RUNDC3B: variants seen among roughly 807,000 people sequenced by gnomAD.
RUNDC3B encodes the protein RUN domain-containing protein 3B.
In RUNDC3B, 33 loss-of-function variants were observed where a neutral mutation model predicts 58.4. The observed-to-expected ratio is 0.56, with a 90% CI of 0.43 to 0.75. RUNDC3B has a LOEUF of 0.75. RUNDC3B is among the 30% of genes least tolerant of loss of function. The probability of loss-of-function intolerance (pLI) is 0.00; values close to 1 mark genes in which losing one functional copy is unlikely to be tolerated. For missense variants in RUNDC3B, 501 were observed against 535.7 expected (o/e 0.94, Z 0.64); for synonymous variants, 193 against 195.2 (o/e 0.99, Z 0.10).
rs117820688 is a variant in RUNDC3B at position 87,649,642 on chromosome 7, T to C, written c.123-1180T>C. On this transcript the variant is annotated intron_variant, in intron 1 of 10. Coordinates refer to ENST00000394654, the MANE Select transcript of RUNDC3B (RefSeq NM_001134405.2). ...TGATAAGGAAAAATATAGTACACTTTACAGATTTGCAGGTTTTGCTATTTA... is the reference window on the plus strand; with the variant it reads ...TGATAAGGAAAAATATAGTACACTTCACAGATTTGCAGGTTTTGCTATTTA... 3.8e-3 allele frequency among the ~76,000 whole-genome samples: 583 copies of C among 152,306 alleles called. 2 individuals carry two copies. The highest frequency in any genetic ancestry group is 0.012 in the Admixed American group (182 of 15,292).
Position 87,710,633 on chromosome 7 carries a change from C to A in RUNDC3B, c.436C>A (p.Leu146Met). Reference sequence around the variant, plus strand: ...TTTATCTGAATACATCTCTACAGCTCTGAGAGACTTCAAAACAACCAGGTT... The same window carrying A: ...TTTATCTGAATACATCTCTACAGCTATGAGAGACTTCAAAACAACCAGGTT... ...KHLSEYISTA[L>M]RDFKTTRRFY... The change falls in exon 4 of 11, where the codon CTG becomes ATG. Residue 146 changes from leucine (L) to methionine (M), a missense_variant. By Grantham distance (15) the Leu-to-Met change is conservative. Transcript: ENST00000394654. 6.3e-7 allele frequency: 1 copy of A among 1,593,336 alleles called. No homozygotes were observed. The highest frequency in any genetic ancestry group is 1.8e-4 in the Middle Eastern group (1 of 5,568).
rs545231608 is a variant in RUNDC3B at position 87,644,105 on chromosome 7, C to T, written c.123-6717C>T. Among the ~76,000 whole-genome samples, 9 of 151,872 alleles carry T rather than the reference C, an allele frequency of 5.9e-5. No individual in the cohort carries two copies. In the South Asian group the frequency reaches 8.3e-4, roughly 14 times the overall value. ...AACTCCTGACCTCAGGTGATCCACC[C>T]GCCTTGGCCTCCCAAAGTGTTGGGA... On this transcript the variant is annotated intron_variant, in intron 1 of 10. Transcript: ENST00000394654.
chr7:87,812,736 G>C (rs919832241), intron 9 of RUNDC3B, among the ~76,000 whole-genome samples: 1 of 152,190 alleles, frequency 6.6e-6, no homozygotes, highest in African/African-American at 2.4e-5. Context: ...TAAACTACTT[G>C]TATGTAAAAA....
intron 2 of RUNDC3B, among the ~76,000 whole-genome samples, chr7:87,684,723 G>A (rs888301368): frequency 6.2e-5 from 8 of 129,668 alleles, no homozygotes; most frequent in African/African-American, 2.3e-4. Flanking sequence ...ACTCCAGCCT[G>A]GTGACAGAGT....
chr7:87,744,085 A>G (rs190342501), intron 6 of RUNDC3B, among the ~76,000 whole-genome samples: 1 of 152,054 alleles, frequency 6.6e-6, no homozygotes, highest in East Asian at 1.9e-4. Context: ...TCTCCACTTT[A>G]TATTTCTGTT....
chr7:87,798,695 T>C (rs1461728412), intron 8 of RUNDC3B, among the ~76,000 whole-genome samples: 2 of 152,206 alleles, frequency 1.3e-5, no homozygotes, highest in African/African-American at 4.8e-5. Flanking sequence ...TGATTTTTTT[T>C]AAGTTCTAAA....
chr7:87,702,754 A>G (rs972750505), intron 3 of RUNDC3B, among the ~76,000 whole-genome samples: 1 of 152,172 alleles, frequency 6.6e-6, no homozygotes, highest in African/African-American at 2.4e-5. Context: ...AAAATGTGAA[A>G]TCTCAAATGA....
chr7:87,700,334 A>AT (rs1828916149), intron 2 of RUNDC3B, 87 bp from the exon 3 acceptor site: 2 of 1,191,684 alleles, frequency 1.7e-6, no homozygotes, highest in Non-Finnish European at 2.3e-6. Context: ...TATTACCTTT[A>AT]TTTTTCAGAA....
intron 6 of RUNDC3B, among the ~76,000 whole-genome samples, chr7:87,761,021 A>G (rs756723828): frequency 2.6e-5 from 4 of 152,036 alleles, no homozygotes; most frequent in South Asian, 2.1e-4. Flanking sequence ...AAAAGATACC[A>G]TCAAAAAATG....
At chr7:87,726,684 G>C (rs1027823318) in intron 4 of RUNDC3B, among the ~76,000 whole-genome samples, 13 of 152,154 alleles carry the variant, frequency 8.5e-5, no homozygotes, top group Non-Finnish European at 1.8e-4. Flanking sequence ...ACCTTGGGCT[G>C]TATGGCCATT....
At chr7:87,750,657 T>G (rs1832920885) in intron 6 of RUNDC3B, among the ~76,000 whole-genome samples, 1 of 151,212 alleles carries the variant, frequency 6.6e-6, no homozygotes, top group African/African-American at 2.4e-5. Flanking sequence ...TCATGTGTTT[T>G]TTGGCTGCAT....
intron 6 of RUNDC3B, among the ~76,000 whole-genome samples, chr7:87,747,963 C>A (rs781463506): frequency 6.6e-6 from 1 of 152,202 alleles, no homozygotes; most frequent in Non-Finnish European, 1.5e-5. Flanking sequence ...AGTCTGCACA[C>A]TGGATTTGCG....
At chr7:87,796,070 G>C (rs1479648467) in intron 8 of RUNDC3B, among the ~76,000 whole-genome samples, 1 of 152,168 alleles carries the variant, frequency 6.6e-6, no homozygotes, top group Non-Finnish European at 1.5e-5. Flanking sequence ...CCCATACACA[G>C]ATGAATGGAT....
intron 9 of RUNDC3B, among the ~76,000 whole-genome samples, chr7:87,813,301 GA>G (rs1472987128): frequency 6.6e-6 from 1 of 152,176 alleles, no homozygotes; most frequent in East Asian, 1.9e-4. Flanking sequence ...AGGTCACGCA[GA>G]AAGCTCATTT....
chr7:87,637,514 A>G (rs1354692824), intron 1 of RUNDC3B, among the ~76,000 whole-genome samples: 1 of 152,182 alleles, frequency 6.6e-6, no homozygotes, highest in Non-Finnish European at 1.5e-5. Flanking sequence ...GAAAACTGCC[A>G]TCTTTATGAT....
chr7:87,748,540 T>C (rs529241552), intron 6 of RUNDC3B, among the ~76,000 whole-genome samples: 28 of 152,202 alleles, frequency 1.8e-4, no homozygotes, highest in Non-Finnish European at 2.9e-4. Flanking sequence ...TCTAAAATTT[T>C]ATAATCATGG....
intron 2 of RUNDC3B, among the ~76,000 whole-genome samples, chr7:87,680,024 CT>C (rs1346987945): frequency 6.6e-6 from 1 of 150,456 alleles, no homozygotes; most frequent in Non-Finnish European, 1.5e-5. Context: ...TATCCCTACC[CT>C]AGCCACCCAC....
In RUNDC3B at chr7:87,651,769, T is replaced by C. The variant is rs2130378924; in HGVS notation, c.238+832T>C. 2.0e-5 allele frequency among the ~76,000 whole-genome samples: 3 copies of C among 152,186 alleles called. 1 individual carries two copies. The highest frequency in any genetic ancestry group is 6.8e-3 in the Middle Eastern group (2 of 292). On this transcript the variant is annotated intron_variant, in intron 2 of 10. Transcript: ENST00000394654. ...CTTTTTGATGCTGAAAGCATCCAGG[T>C]TTTAATATAAGTGTTTAAATGAGTT...
At chr7:87,700,330 C>G (rs1194905017) in intron 2 of RUNDC3B, 91 bp from the exon 3 acceptor site, 1 of 1,139,800 alleles carries the variant, frequency 8.8e-7, no homozygotes, top group Non-Finnish European at 1.2e-6. Flanking sequence ...ACTATATTAC[C>G]TTTATTTTTC....
Sources: gnomAD v4.1 joint callset for allele counts (sites outside exome capture counted in the v4.1 genomes callset) on GRCh38, gnomAD v4.1.1 for gene constraint, MANE v1.5 for transcripts, NCBI Gene and HGNC (gene_info 2026-07-23, HGNC 2026-07-21) for gene names.